The following TTN variants were observed in gnomAD, a reference collection of about 807,000 sequenced individuals.
The protein encoded by TTN is connectin.
A neutral mutation model predicts 3,223.0 loss-of-function variants in TTN; 1,525 were observed. That is an observed-to-expected ratio of 0.47 (90% CI 0.45 to 0.49). TTN has a LOEUF of 0.49. TTN is among the 20% of genes least tolerant of loss of function. TTN has a pLI of 0.00. For synonymous variants in TTN, 14,094 were observed against 15,161.0 expected, an observed-to-expected ratio of 0.93 and a Z score of 5.17; for missense variants, 40,786 against 43,424.0, an observed-to-expected ratio of 0.94 and a Z score of 5.40.
Position 178,642,231 on chromosome 2 carries a change from C to T in TTN, c.40558+6G>A, listed in dbSNP as rs2061335590. On this transcript the variant is annotated splice_donor_region_variant and intron_variant, in intron 219 of 362. Transcript: ENST00000589042. ...ACGCTGACAGAATGGTTGAAAAATA[C>T]TATACCGCTTTTCAGAACAACTTCT... 1 of 1,575,732 alleles carries T rather than the reference C, an allele frequency of 6.3e-7. No homozygotes were observed. Among genetic ancestry groups the T allele is most frequent in the South Asian group, 1.2e-5 (1 of 85,420 alleles).
rs767935383 is a variant in TTN, at chr2:178,553,626, T to C, written c.89379A>G (p.Thr29793=). The change falls in exon 334 of 363, where the codon ACA becomes ACG. Residue 29793 remains threonine (T), a synonymous_variant. Transcript: ENST00000589042. ...GTTTCAGGTTGGATACCACATATTC[T>C]GTAGTTCTGACCTCTCCTTTGGTAG... The part of the protein sequence containing the change: ...TVSTKGEVRT[T]EYVVSNLKPG... 2 of 1,613,814 alleles carry C rather than the reference T, an allele frequency of 1.2e-6. No individual in the cohort carries two copies. Among genetic ancestry groups the C allele is most frequent in the African/African-American group, 1.3e-5 (1 of 74,936 alleles).
rs745613913 is a variant in TTN, at chr2:178,609,509, A to G, written c.51801T>C (p.Leu17267=). The stretch of plus-strand genomic sequence containing the variant: ...AAGGTGATCCAGAAATACTTGCATC[A>G]AGTGCTATTTCATCACCTCGTTTCA... ...LEVKRGDEIA[L]DASISGSPYP... is the part of the protein sequence containing the mutation. The change falls in exon 273 of 363, where the codon CTT becomes CTC. Residue 17267 remains leucine (L), a synonymous_variant. Coordinates refer to ENST00000589042, the MANE Select transcript of TTN (RefSeq NM_001267550.2). The G allele has an allele frequency of 6.2e-7, 1 of 1,612,548 alleles. No individual in the cohort carries two copies. Among genetic ancestry groups the G allele is most frequent in the South Asian group, 1.1e-5 (1 of 90,980 alleles).
intron 4 of TTN, 56 bp downstream of exon 4, chr2:178,800,339 T>G: frequency 1.2e-6 from 2 of 1,609,990 alleles, no homozygotes; most frequent in Non-Finnish European, 1.7e-6. Context: ...TTGGCCCCAT[T>G]TAGACACAAA....
Position 178,547,045 on chromosome 2 carries a change from C to T in TTN, c.94480G>A (p.Ala31494Thr), listed in dbSNP as rs769948504. The change falls in exon 340 of 363, where the codon GCC becomes ACC. Residue 31494 changes from alanine (A) to threonine (T), a missense_variant. Coordinates refer to ENST00000589042, the MANE Select transcript of TTN (RefSeq NM_001267550.2). ...YALNAAGVSKASEASRPIMAQ... is the reference protein window; with the variant it reads ...YALNAAGVSKTSEASRPIMAQ... ...ATTATAGGTCTTGAAGCTTCGCTGG[C>T]CTTGCTAACACCTGCAGCATTGAGT... 5.0e-6 allele frequency: 8 copies of T among 1,613,490 alleles called. No homozygotes were observed. In the South Asian group the frequency reaches 7.7e-5, roughly 16 times the overall value.
rs768436659 is a variant in TTN, at chr2:178,664,498, A to C, written c.36242T>G (p.Val12081Gly). ...AACTTCAGCCCTTTGGGGAGGATGC[A>C]CTTTCTTTTCCGGGACAACTTCTCT... ...ALREVVPEKK[V>G]HPPQRAEVVP... The change falls in exon 168 of 363, where the codon GTG becomes GGG. Residue 12081 changes from valine (V) to glycine (G), a missense_variant. Transcript: ENST00000589042. 1.1e-5 allele frequency: 18 copies of C among 1,612,246 alleles called. No individual in the cohort carries two copies. The South Asian group carries it at 2.0e-4, about 18-fold the overall frequency.
At chr2:178,617,661 C>G (rs1387910619) in intron 253 of TTN, 118 bp downstream of exon 253, 1 of 1,447,158 alleles carries the variant, frequency 6.9e-7, no homozygotes, top group African/African-American at 1.5e-5. Context: ...AAACTTTATC[C>G]AAATTTTTAT....
chr2:178,767,431 T>C (rs1331125398), intron 40 of TTN, among the ~76,000 whole-genome samples: 1 of 152,240 alleles, frequency 6.6e-6, no homozygotes, highest in African/African-American at 2.4e-5. Flanking sequence ...ATTTCCTTAA[T>C]TCTAATTGAT....
At chr2:178,554,247 A>C in intron 332 of TTN, 31 bp from the exon 333 acceptor site, 1 of 1,536,718 alleles carries the variant, frequency 6.5e-7, no homozygotes, top group Non-Finnish European at 8.7e-7. Flanking sequence ...AACAAGGTAC[A>C]AGAATCCACA....
At position 178,533,930 on chromosome 2, in the gene TTN, C is replaced by T; in HGVS notation, c.102685G>A (p.Val34229Met). 6 of 1,613,858 alleles carry T rather than the reference C, an allele frequency of 3.7e-6. No homozygotes were observed. The highest frequency in any genetic ancestry group is 1.1e-5 in the South Asian group (1 of 91,086). ...CAGTAATAGTCATAGACTTCTCTCACACCTTTAACAAATAGCTCTGCATAA... is the reference window on the plus strand; with the variant it reads ...CAGTAATAGTCATAGACTTCTCTCATACCTTTAACAAATAGCTCTGCATAA... ...SSYAELFVKG[V>M]REVYDYYCRR... The change falls in exon 358 of 363, where the codon GTG becomes ATG. Residue 34229 changes from valine (V) to methionine (M), a missense_variant. Physicochemically the swap from Val to Met is conservative, Grantham distance 21. Transcript: ENST00000589042.
chr2:178,758,915 T>A, intron 44 of TTN, 69 bp downstream of exon 44: 1 of 1,435,656 alleles, frequency 7.0e-7, no homozygotes, highest in Non-Finnish European at 9.8e-7. Flanking sequence ...AACTCTTGAG[T>A]AATTGTTACA....
rs1348328954 is a variant in TTN at position 178,709,556 on chromosome 2, G to A, written c.28753+10C>T. On this transcript the variant is annotated intron_variant, in intron 99 of 362. Coordinates refer to ENST00000589042, the MANE Select transcript of TTN (RefSeq NM_001267550.2). ...AAACACAACAGGTTGGGGCTGTGAG[G>A]ATAACTCACCTTTGATGACGATTGA... 2 of 1,599,236 alleles carry A rather than the reference G, an allele frequency of 1.3e-6. No homozygotes were observed. The highest frequency in any genetic ancestry group is 1.7e-6 in the Non-Finnish European group (2 of 1,168,186).
Position 178,800,422 on chromosome 2 carries a change from T to A in TTN, c.556A>T (p.Thr186Ser). The A allele has an allele frequency of 6.2e-7, 1 of 1,614,188 alleles. No individual in the cohort carries two copies. Among genetic ancestry groups the A allele is most frequent in the Non-Finnish European group, 8.5e-7 (1 of 1,180,010 alleles). The stretch of plus-strand genomic sequence containing the variant: ...TGAACCAGTAATTCAGCAGTCGAAG[T>A]AGCTCTTCCAACGCTATTGGTGGCA... ...VNATNSVGRATSTAELLVQGE... is the reference protein window; with the variant it reads ...VNATNSVGRASSTAELLVQGE... Residue 186 changes from threonine (T) to serine (S), a missense_variant, in exon 4 of 363, where the codon ACT becomes TCT. By Grantham distance (58) the Thr-to-Ser change is moderately conservative. Transcript: ENST00000589042.
rs1382172649 is a variant in TTN at position 178,677,756 on chromosome 2, G to A, written c.34156C>T (p.Pro11386Ser). Residue 11386 changes from proline (P) to serine (S), a missense_variant, in exon 146 of 363, where the codon CCT (proline) becomes TCT (serine). Physicochemically the swap from Pro to Ser is moderately conservative, Grantham distance 74. Coordinates refer to ENST00000589042, the MANE Select transcript of TTN (RefSeq NM_001267550.2). ...TCAGGTGGAATTTCCTCTTCTTCAG[G>A]TAGAACTTCCTCTTCTTCAGGTAGA... is the stretch of plus-strand genomic sequence containing the variant. Reference protein sequence around the residue: ...EVLPEEEEVLPEEEEIPPEEE... With the variant: ...EVLPEEEEVLSEEEEIPPEEE... 12 of 1,608,450 alleles carry A rather than the reference G, an allele frequency of 7.5e-6. No individual in the cohort carries two copies. The highest frequency in any genetic ancestry group is 9.4e-6 in the Non-Finnish European group (11 of 1,176,214).
chr2:178,539,310 C>T (rs1011840643), intron 352 of TTN, 59 bp from the exon 353 acceptor site: 1 of 1,594,044 alleles, frequency 6.3e-7, no homozygotes, highest in African/African-American at 1.3e-5. Context: ...TATTATAAGC[C>T]AATGACTTTC....
rs1241055435 is a variant in TTN at position 178,564,503 on chromosome 2, T to G, written c.81629A>C (p.Lys27210Thr). Reference protein sequence around the residue: ...SKITGYIVEKKDLPDGRWMKA... With the variant: ...SKITGYIVEKTDLPDGRWMKA... ...CATCCAGCGGCCATCAGGTAGATCT[T>G]TCTTTTCTACAATATAACCTGTTAT... The change falls in exon 326 of 363, where the codon AAA becomes ACA. Residue 27210 changes from lysine (K) to threonine (T), a missense_variant. Physicochemically the swap from Lys to Thr is moderately conservative, Grantham distance 78. Transcript: ENST00000589042. The G allele has an allele frequency of 6.2e-7, 1 of 1,612,432 alleles. No homozygotes were observed. The highest frequency in any genetic ancestry group is 1.7e-5 in the Admixed American group (1 of 59,818).
In TTN at chr2:178,568,699, A is replaced by C; in HGVS notation, c.77433T>G (p.Val25811=). Residue 25811 remains valine, a synonymous_variant, in exon 326 of 363, where the codon GTT becomes GTG. Transcript: ENST00000589042. ...KPAFSSYSVQ[V]GQDLKIEVPI... ...GCACTTCTATTTTCAAATCTTGGCC[A>C]ACCTGTACACTGTAACTACTGAATG... The C allele has an allele frequency of 6.2e-7, 1 of 1,613,376 alleles. No homozygotes were observed. Among genetic ancestry groups the C allele is most frequent in the Non-Finnish European group, 8.5e-7 (1 of 1,179,602 alleles).
rs2154165615 is a variant in TTN at position 178,566,479 on chromosome 2, T to C, written c.79653A>G (p.Ser26551=). 1 of 1,613,574 alleles carries C rather than the reference T, an allele frequency of 6.2e-7. No individual in the cohort carries two copies. The highest frequency in any genetic ancestry group is 2.2e-5 in the East Asian group (1 of 44,852). ...TATACTCTTGGTGTTCAGTGAGTTT[T>C]GAAATTTCAAATCGAGTGACTCTCA... is the stretch of plus-strand genomic sequence containing the variant. ...TGLRVTRFEI[S]KLTEHQEYKI... The change falls in exon 326 of 363, where the codon TCA becomes TCG. Residue 26551 remains serine, a synonymous_variant. Coordinates refer to ENST00000589042, the MANE Select transcript of TTN (RefSeq NM_001267550.2).
chr2:178,667,115 A>G (rs997078251), intron 162 of TTN, 121 bp downstream of exon 162: 2 of 1,038,828 alleles, frequency 1.9e-6, no homozygotes, highest in Admixed American at 5.6e-5. Context: ...GGTATATCAG[A>G]TCCTTTAAAC....
intron 302 of TTN, 37 bp downstream of exon 302, chr2:178,591,937 ACAGT>A: frequency 6.2e-7 from 1 of 1,606,466 alleles, no homozygotes; most frequent in South Asian, 1.1e-5. Flanking sequence ...ATTCTTAAAG[ACAGT>A]CAAACAATAG....
Sources: allele counts gnomAD v4.1 joint callset (sites outside exome capture counted in the v4.1 genomes callset), GRCh38; gene constraint gnomAD v4.1.1; transcripts MANE v1.5; gene names NCBI Gene and HGNC (gene_info 2026-07-23, HGNC 2026-07-21).